The following SEMA4F variants were observed in gnomAD, a reference collection of about 807,000 sequenced individuals.
The protein encoded by SEMA4F is semaphorin-4F.
In SEMA4F, 51 loss-of-function variants were observed where a neutral mutation model predicts 78.4. The ratio of observed to expected loss-of-function variants is 0.65; its 90% CI spans 0.52 to 0.82. SEMA4F has a LOEUF of 0.82. Among genes scored for constraint, SEMA4F ranks in the 40% least tolerant of loss-of-function variants. The pLI is 0.00. For synonymous variants in SEMA4F, 418 were observed against 408.7 expected (o/e 1.02, Z -0.27); for missense variants, 938 against 1,014.4 (o/e 0.92, Z 1.02).
rs764308747 is a variant in SEMA4F, at chr2:74,673,761, C to T, written c.755C>T (p.Thr252Met). 7 of 1,614,086 alleles carry T rather than the reference C, an allele frequency of 4.3e-6. No individual in the cohort carries two copies. The highest frequency in any genetic ancestry group is 1.6e-4 in the Middle Eastern group (1 of 6,084). Residue 252 changes from threonine to methionine, a missense_variant, in exon 7 of 14, where the codon ACG (threonine) becomes ATG (methionine). Physicochemically the swap from Thr to Met is moderately conservative, Grantham distance 81. Coordinates refer to ENST00000357877, the MANE Select transcript of SEMA4F (RefSeq NM_004263.5). The part of the protein sequence containing the change: ...DGDDEIYFFF[T>M]ETSRAFDSYE... ...GACGACGAAATCTACTTCTTCTTTA[C>T]GGAGACTTCCCGAGCATTTGACTCA...
chr2:74,702,082 A>G, the SEMA4F span, among the ~76,000 whole-genome samples: 2 of 152,134 alleles, frequency 1.3e-5, no homozygotes, highest in Non-Finnish European at 2.9e-5. Context: ...CCTCTCAAAA[A>G]CATTTAACAC....
chr2:74,657,789 A>G (rs1179414863), intron 3 of SEMA4F, 64 bp from the exon 4 acceptor site: 12 of 1,494,352 alleles, frequency 8.0e-6, no homozygotes, highest in Non-Finnish European at 1.1e-5. Flanking sequence ...AACTGTCCTG[A>G]CGTTACCTTA....
Position 74,673,490 on chromosome 2 carries a change from A to G in SEMA4F, c.584A>G (p.Tyr195Cys), listed in dbSNP as rs770440214. ...CTCTATGCTGCCACTGTGAAAAACT[A>G]CCTGGGGACGGAGCCAATTATCACC... ...GVLYAATVKN[Y>C]LGTEPIITRA... The change falls in exon 6 of 14, where the codon TAC becomes TGC. Residue 195 changes from tyrosine to cysteine, a missense_variant. Transcript: ENST00000357877. The G allele has an allele frequency of 4.3e-6, 7 of 1,613,938 alleles. No individual in the cohort carries two copies. The African/African-American group carries it at 9.4e-5, about 22-fold the overall frequency.
chr2:74,678,696 A>C (rs1230112767), intron 12 of SEMA4F, among the ~76,000 whole-genome samples: 4 of 152,206 alleles, frequency 2.6e-5, no homozygotes, highest in Non-Finnish European at 2.9e-5. Context: ...TGGAAGTGAC[A>C]GGACTGTGCC....
In SEMA4F at chr2:74,654,318, C is replaced by T; in HGVS notation, c.-59C>T. On this transcript the variant is annotated 5_prime_UTR_variant, in exon 1 of 14. Transcript: ENST00000357877. ...CCGAGTGGGGCCGAGGCCAGTAGCC[C>T]CGGGGCCCTGAGCAGAGGCCGTAGC... is the stretch of plus-strand genomic sequence containing the variant. 7.2e-6 allele frequency: 10 copies of T among 1,391,502 alleles called. No individual in the cohort carries two copies. Among genetic ancestry groups the T allele is most frequent in the Non-Finnish European group, 9.3e-6 (10 of 1,079,038 alleles). 86.2% of individuals were successfully genotyped at this position (1,391,502 alleles called of 1,614,324 possible).
At chr2:74,655,575 G>A (rs904985919) in intron 1 of SEMA4F, among the ~76,000 whole-genome samples, 1 of 152,176 alleles carries the variant, frequency 6.6e-6, no homozygotes. Flanking sequence ...ATTCCAGAAG[G>A]CGAAGTTGTG....
chr2:74,679,741 G>C lies in SEMA4F; in HGVS notation c.1845G>C (p.Glu615Asp). The change falls in exon 14 of 14, where the codon GAG becomes GAC. Residue 615 changes from glutamate (E) to aspartate (D), a missense_variant. Glu to Asp is a conservative substitution (Grantham distance 45). Transcript: ENST00000357877. ...TCACCCCCCGGCGGGATGGACTGGA[G>C]GTGGTGGTGACCCCAGGGGCCATGG... The part of the protein sequence containing the change: ...TALTPRRDGL[E>D]VVVTPGAMGA... 6.2e-7 allele frequency: 1 copy of C among 1,614,196 alleles called. No homozygotes were observed.
intron 12 of SEMA4F, among the ~76,000 whole-genome samples, chr2:74,676,760 T>G (rs1020309756): frequency 3.3e-5 from 5 of 152,232 alleles, no homozygotes; most frequent in African/African-American, 1.2e-4. Flanking sequence ...TGGTCTTTTT[T>G]TGACCATTTT....
chr2:74,680,187 CAT>C lies in SEMA4F; in HGVS notation c.2292_2293del (p.Cys765Ter). On this transcript the variant is annotated frameshift_variant, in exon 14 of 14. Transcript: ENST00000357877. LOFTEE classifies it high-confidence loss of function. Reference sequence around the variant, plus strand: ...CGGCTAACTGGGGCTCCTCTAGCCACATGTGATGAAACATCCATCTAGAGCTG... The same window carrying C: ...CGGCTAACTGGGGCTCCTCTAGCCACGTGATGAAACATCCATCTAGAGCTG... The C allele has an allele frequency of 6.3e-7, 1 of 1,581,642 alleles. No individual in the cohort carries two copies. The highest frequency in any genetic ancestry group is 8.6e-7 in the Non-Finnish European group (1 of 1,159,176).
chr2:74,686,256 C>T (rs554151627), downstream of SEMA4F, among the ~76,000 whole-genome samples: 94 of 152,210 alleles, frequency 6.2e-4, no homozygotes, highest in African/African-American at 2.1e-3. Context: ...CCTACCACCA[C>T]GCCCGGCTAA....
the SEMA4F span, among the ~76,000 whole-genome samples, chr2:74,697,514 A>G: frequency 1.3e-5 from 2 of 152,146 alleles, no homozygotes; most frequent in African/African-American, 2.4e-5. Context: ...GAGGGAAGAG[A>G]TAGCACCCTC....
chr2:74,690,597 T>C, the SEMA4F span, among the ~76,000 whole-genome samples: 645 of 152,346 alleles, frequency 4.2e-3, 13 homozygotes, highest in East Asian at 0.058. Flanking sequence ...ACAACAGTTA[T>C]TTTTAAATGA....
chr2:74,692,312 G>A, the SEMA4F span, among the ~76,000 whole-genome samples: 2 of 152,194 alleles, frequency 1.3e-5, no homozygotes, highest in Non-Finnish European at 2.9e-5. Context: ...GTGGCCAACA[G>A]AAACGAGGTA....
rs1229667577 is a variant in SEMA4F at position 74,675,916 on chromosome 2, G to A, written c.1643+7G>A. ...ATGCCGGGGAGCACCGAGGGTGAGT[G>A]TAGCTGCCTGGATTTCTTGCTTACT... On this transcript the variant is annotated splice_region_variant and intron_variant, in intron 12 of 13. Coordinates refer to ENST00000357877, the MANE Select transcript of SEMA4F (RefSeq NM_004263.5). 1.9e-6 allele frequency: 3 copies of A among 1,603,988 alleles called. No individual in the cohort carries two copies. Among genetic ancestry groups the A allele is most frequent in the African/African-American group, 2.7e-5 (2 of 74,742 alleles).
chr2:74,668,037 A>G (rs979651253), intron 5 of SEMA4F, among the ~76,000 whole-genome samples: 7 of 151,840 alleles, frequency 4.6e-5, no homozygotes, highest in Non-Finnish European at 8.8e-5. Flanking sequence ...CCTCCCCCAA[A>G]CCTGCTTCTC....
At chr2:74,654,594 C>A (rs1684021645) in intron 1 of SEMA4F, 73 bp downstream of exon 1, 1 of 1,334,226 alleles carries the variant, frequency 7.5e-7, no homozygotes, top group East Asian at 2.9e-5. Context: ...CTCCTCAGAC[C>A]GCTCGGCCGG....
the SEMA4F span, among the ~76,000 whole-genome samples, chr2:74,694,795 CTT>C: frequency 6.6e-6 from 1 of 152,188 alleles, no homozygotes; most frequent in African/African-American, 2.4e-5. Flanking sequence ...TAAGTCAAGA[CTT>C]ATGCTGGACA....
rs562073523 is a variant in SEMA4F, at chr2:74,656,351, T to C, written c.146-183T>C. ...AGAAAAAGCATACTTACCCACTGGA[T>C]TGTGTGCTAAATATTCTGGCCTCAT... On this transcript the variant is annotated intron_variant, in intron 1 of 13. Coordinates refer to ENST00000357877, the MANE Select transcript of SEMA4F (RefSeq NM_004263.5). Among the ~76,000 whole-genome samples, 4 of 152,250 alleles carry C rather than the reference T, an allele frequency of 2.6e-5. No individual in the cohort carries two copies. In the East Asian group the frequency reaches 7.7e-4, roughly 29 times the overall value.
At chr2:74,703,167 T>C in the SEMA4F span, among the ~76,000 whole-genome samples, 52 of 152,190 alleles carry the variant, frequency 3.4e-4, no homozygotes, top group South Asian at 1.2e-3. Flanking sequence ...GGAAAGGAGA[T>C]GATTCATTTG....
Sources: allele counts gnomAD v4.1 joint callset (sites outside exome capture counted in the v4.1 genomes callset), GRCh38; gene constraint gnomAD v4.1.1; transcripts MANE v1.5; gene names NCBI Gene and HGNC (gene_info 2026-07-23, HGNC 2026-07-21).